Variants in FAS observed in about 807,000 individuals in gnomAD.
FAS encodes tumor necrosis factor receptor superfamily member 6.
FAS carries 5 observed loss-of-function variants against 33.2 expected under a neutral mutation model. The observed-to-expected ratio is 0.15, with a 90% CI of 0.08 to 0.32. FAS has a LOEUF of 0.32. Among genes scored for constraint, FAS ranks in the 10% least tolerant of loss-of-function variants. The pLI is 1.00. For synonymous variants in FAS, 131 were observed against 130.7 expected, an observed-to-expected ratio of 1.00 and a Z score of -0.01; for missense variants, 339 against 386.0, an observed-to-expected ratio of 0.88 and a Z score of 1.02.
intron 2 of FAS, 91 bp from the exon 3 acceptor site, chr10:89,007,609 A>T: frequency 4.7e-6 from 7 of 1,493,056 alleles, no homozygotes; most frequent in Non-Finnish European, 6.4e-6. Context: ...GTGTTTTAGA[A>T]GAGTTTTATT....
At chr10:88,974,450 G>A (rs1003141157) in intron 2 of FAS, 2 of 152,164 alleles carry the variant, frequency 1.3e-5, no homozygotes, top group Non-Finnish European at 2.9e-5. Flanking sequence ...GCTAGAGAAT[G>A]CAATTTATTA....
Position 89,014,197 on chromosome 10 carries a change from A to G in FAS, c.755A>G (p.Asn252Ser). 1.9e-6 allele frequency: 3 copies of G among 1,613,970 alleles called. No homozygotes were observed. The highest frequency in any genetic ancestry group is 2.5e-6 in the Non-Finnish European group (3 of 1,179,922). The change falls in exon 9 of 9, where the codon AAT (asparagine) becomes AGT (serine). Residue 252 changes from asparagine to serine, a missense_variant. Asn to Ser is a conservative substitution (Grantham distance 46). This residue lies in a region of FAS where 276 missense variants were observed against 300.1 expected (regional missense o/e 0.92). Transcript: ENST00000652046. ...LSQVKGFVRK[N>S]GVNEAKIDEI... ...CAAGTTAAAGGCTTTGTTCGAAAGA[A>G]TGGTGTCAATGAAGCCAAAATAGAT... is the stretch of plus-strand genomic sequence containing the variant.
At chr10:88,972,523 T>A (rs1846471153) in intron 1 of FAS, among the ~76,000 whole-genome samples, 1 of 152,186 alleles carries the variant, frequency 6.6e-6, no homozygotes. Context: ...TTCTCTTTCT[T>A]CTCTCCTGCC....
chr10:89,015,134 C>T lies in FAS; in HGVS notation c.*684C>T, dbSNP rs1848736318. 1.9e-6 allele frequency: 1 copy of T among 534,664 alleles called. No individual in the cohort carries two copies. The highest frequency in any genetic ancestry group is 3.6e-6 in the Non-Finnish European group (1 of 276,660). The allele number at this position is 534,664 out of a possible 1,614,324, so 33.1% of individuals were successfully genotyped here. A position where few individuals can be genotyped will look rare whatever the true frequency, so the allele number is the denominator to read the frequency against. On this transcript the variant is annotated 3_prime_UTR_variant, in exon 9 of 9. Coordinates refer to ENST00000652046, the MANE Select transcript of FAS (RefSeq NM_000043.6). ...GTGTATGCATTTTACTGGCTCAAAA[C>T]TACCTACTTCTTTCTCAGGCATCAA...
At chr10:88,971,352 A>G (rs1846442309) in intron 1 of FAS, among the ~76,000 whole-genome samples, 1 of 152,250 alleles carries the variant, frequency 6.6e-6, no homozygotes, top group South Asian at 2.1e-4. Context: ...AGAAAACTTC[A>G]TGCAGTATGT....
Position 89,015,039 on chromosome 10 carries a change from A to G in FAS, c.*589A>G, listed in dbSNP as rs902952979. On this transcript the variant is annotated 3_prime_UTR_variant, in exon 9 of 9. Transcript: ENST00000652046. ...GACCTTTGCACAGTTTATTGGTGTC[A>G]TATTATACAATATTTCAATTGTGAA... 3 of 533,950 alleles carry G rather than the reference A, an allele frequency of 5.6e-6. No individual in the cohort carries two copies. Among genetic ancestry groups the G allele is most frequent in the African/African-American group, 1.9e-5 (1 of 53,860 alleles). 33.1% of individuals were successfully genotyped at this position (533,950 alleles called of 1,614,324 possible).
intron 1 of FAS, among the ~76,000 whole-genome samples, chr10:88,994,151 T>A (rs1375135571): frequency 6.6e-6 from 1 of 152,248 alleles, no homozygotes; most frequent in African/African-American, 2.4e-5. Context: ...ACTCTTATAC[T>A]GACACATAGG....
At chr10:88,994,593 C>T (rs920043677) in intron 1 of FAS, among the ~76,000 whole-genome samples, 3 of 152,052 alleles carry the variant, frequency 2.0e-5, no homozygotes, top group Non-Finnish European at 4.4e-5. Context: ...TATCTCACCA[C>T]ACTAATGTAA....
chr10:88,998,557 C>CAGTCACAT (rs1489051547), intron 1 of FAS, among the ~76,000 whole-genome samples: 2 of 152,150 alleles, frequency 1.3e-5, no homozygotes, highest in Non-Finnish European at 2.9e-5. Context: ...TCTCCTGATA[C>CAGTCACAT]AGTCACATTC....
At chr10:89,000,872 T>A (rs1847884767) in intron 1 of FAS, among the ~76,000 whole-genome samples, 1 of 151,662 alleles carries the variant, frequency 6.6e-6, no homozygotes, top group Non-Finnish European at 1.5e-5. Flanking sequence ...CGTGGTGAAA[T>A]GCCGTCTCTA....
intron 2 of FAS, among the ~76,000 whole-genome samples, chr10:88,981,381 G>T (rs1589425739): frequency 2.0e-5 from 2 of 97,788 alleles, no homozygotes; most frequent in Admixed American, 2.0e-4. Context: ...AGAGAGAAAT[G>T]ACTTTTTTTT....
In FAS at chr10:89,015,754, T is replaced by C. The variant is rs1316438150; in HGVS notation, c.*1304T>C. The C allele has an allele frequency of 8.1e-6, 4 of 494,782 alleles. No individual in the cohort carries two copies. Among genetic ancestry groups the C allele is most frequent in the Non-Finnish European group, 1.5e-5 (4 of 258,464 alleles). 30.6% of individuals were successfully genotyped at this position (494,782 alleles called of 1,614,324 possible). ...TGTGTTTGGAATTATAAAATATAGG[T>C]AAAAGTACGTAATTAAATAATGTTT... On this transcript the variant is annotated 3_prime_UTR_variant, in exon 9 of 9. Transcript: ENST00000652046.
chr10:88,964,627 A>C (rs1265689732), intron 1 of FAS, among the ~76,000 whole-genome samples: 1 of 152,240 alleles, frequency 6.6e-6, no homozygotes, highest in East Asian at 1.9e-4. Context: ...CTTTTAAGCA[A>C]ATAGGGGTAG....
At chr10:89,000,843 T>C (rs1405909136) in intron 1 of FAS, among the ~76,000 whole-genome samples, 2 of 152,212 alleles carry the variant, frequency 1.3e-5, no homozygotes, top group African/African-American at 2.4e-5. Flanking sequence ...GGTCAGGAGT[T>C]TGAGATTAGC....
chr10:88,981,759 C>T (rs1369889445), upstream of FAS, among the ~76,000 whole-genome samples: 5 of 152,122 alleles, frequency 3.3e-5, no homozygotes, highest in Admixed American at 6.5e-5. Flanking sequence ...CCAGATACTA[C>T]GTGTTTCAGT....
intron 1 of FAS, among the ~76,000 whole-genome samples, chr10:88,970,651 T>C (rs1455996730): frequency 2.6e-5 from 4 of 152,128 alleles, no homozygotes; most frequent in African/African-American, 9.7e-5. Flanking sequence ...CTGAGAATGA[T>C]GGTTGGGAAT....
chr10:89,009,039 A>G, intron 4 of FAS, 42 bp downstream of exon 4: 3 of 1,475,826 alleles, frequency 2.0e-6, no homozygotes, highest in Non-Finnish European at 2.8e-6. Context: ...TAGATATAAC[A>G]TGAGAGTTAT....
intron 1 of FAS, among the ~76,000 whole-genome samples, chr10:88,998,699 T>TGGGA (rs575908705): frequency 8.2e-4 from 125 of 152,294 alleles, no homozygotes; most frequent in African/African-American, 2.9e-3. Context: ...CTTCACCAGT[T>TGGGA]GGGATACTGC....
chr10:89,016,591 C>T lies in FAS; in HGVS notation c.*2141C>T, dbSNP rs1173136440. 2 of 224,976 alleles carry T rather than the reference C, an allele frequency of 8.9e-6. No homozygotes were observed. Among genetic ancestry groups the T allele is most frequent in the East Asian group, 6.4e-5 (1 of 15,576 alleles). 13.9% of individuals were successfully genotyped at this position (224,976 alleles called of 1,614,324 possible). On this transcript the variant is annotated 3_prime_UTR_variant, in exon 9 of 9. Transcript: ENST00000652046. ...TGTGGTTTTTTTCCTCATGGCTTCACCTAGTGGCCCCAAGCATGACTTCTC... is the reference window on the plus strand; with the variant it reads ...TGTGGTTTTTTTCCTCATGGCTTCATCTAGTGGCCCCAAGCATGACTTCTC...
Sources: gnomAD v4.1 joint callset for allele counts (sites outside exome capture counted in the v4.1 genomes callset) on GRCh38, gnomAD v4.1.1 for gene constraint, gnomAD v4.1.1 regional missense constraint, MANE v1.5 for transcripts, NCBI Gene and HGNC (gene_info 2026-07-23, HGNC 2026-07-21) for gene names.